The following CAMTA1 variants were observed in gnomAD, a reference collection of about 807,000 sequenced individuals.
CAMTA1 encodes calmodulin-binding transcription activator 1.
CAMTA1 carries 27 observed loss-of-function variants against 170.9 expected under a neutral mutation model. That is an observed-to-expected ratio of 0.16 (90% CI 0.12 to 0.22). CAMTA1 has a LOEUF of 0.22. Among genes scored for constraint, CAMTA1 ranks in the 10% least tolerant of loss-of-function variants. CAMTA1 has a pLI of 1.00. For synonymous variants in CAMTA1, 833 were observed against 891.5 expected (o/e 0.93, Z 1.17); for missense variants, 1,619 against 2,217.2 (o/e 0.73, Z 5.42).
intron 6 of CAMTA1, among the ~76,000 whole-genome samples, chr1:7,471,051 G>A (rs1575496123): frequency 6.6e-6 from 1 of 152,242 alleles, no homozygotes; most frequent in East Asian, 1.9e-4. Context: ...AGGCCTCGCA[G>A]ACTCGGGGCC....
intron 3 of CAMTA1, among the ~76,000 whole-genome samples, chr1:6,937,109 AC>A (rs1317528066): frequency 1.3e-5 from 2 of 151,750 alleles, no homozygotes; most frequent in Non-Finnish European, 2.9e-5. Flanking sequence ...ACTTACCATC[AC>A]CATCACCATT....
intron 4 of CAMTA1, among the ~76,000 whole-genome samples, chr1:7,194,012 G>A (rs894274241): frequency 2.6e-5 from 4 of 152,134 alleles, no homozygotes; most frequent in African/African-American, 9.7e-5. Context: ...TCACTGATAC[G>A]TAGATAGACA....
At chr1:7,274,185 C>G (rs1227136483) in intron 5 of CAMTA1, among the ~76,000 whole-genome samples, 1 of 151,922 alleles carries the variant, frequency 6.6e-6, no homozygotes, top group East Asian at 1.9e-4. Context: ...ACAAAAAAAC[C>G]ATAATACTCA....
Position 7,650,518 on chromosome 1 carries a change from T to C in CAMTA1, c.664+9965T>C, listed in dbSNP as rs1314438088. ...AGCTCTCAACACCCTGGCAGTCTGC[T>C]GGACCCTCCACCCCCGCCTTTTCCA... On this transcript the variant is annotated intron_variant, in intron 7 of 22. Coordinates refer to ENST00000303635, the MANE Select transcript of CAMTA1 (RefSeq NM_015215.4). Among the ~76,000 whole-genome samples, 5 of 152,314 alleles carry C rather than the reference T, an allele frequency of 3.3e-5. No homozygotes were observed. In the East Asian group the frequency reaches 5.8e-4, roughly 18 times the overall value.
intron 11 of CAMTA1, among the ~76,000 whole-genome samples, chr1:7,713,915 A>C (rs896924659): frequency 6.6e-6 from 1 of 152,206 alleles, no homozygotes; most frequent in Admixed American, 6.5e-5. Flanking sequence ...ATATCAGCAT[A>C]GGGGATATTG....
At chr1:7,745,108 C>T in intron 17 of CAMTA1, 86 bp downstream of exon 17, 1 of 1,276,752 alleles carries the variant, frequency 7.8e-7, no homozygotes, top group Non-Finnish European at 1.1e-6. Flanking sequence ...TTGATGAATG[C>T]CGTGTCATAG....
At chr1:7,084,557 G>T (rs1640462678) in intron 3 of CAMTA1, among the ~76,000 whole-genome samples, 2 of 152,210 alleles carry the variant, frequency 1.3e-5, no homozygotes, top group South Asian at 4.1e-4. Context: ...CACTGGAGGG[G>T]ACACGGCTCG....
Position 7,566,811 on chromosome 1 carries a change from A to G in CAMTA1, c.511-73589A>G, listed in dbSNP as rs111641019. 1.5e-4 allele frequency among the ~76,000 whole-genome samples: 23 copies of G among 152,314 alleles called. 2 individuals are homozygous for G. Among genetic ancestry groups the G allele is most frequent in the African/African-American group, 4.6e-4 (19 of 41,574 alleles). ...TGGGCTTCATCGTGCGGGGAGGGCA[A>G]TGAGACCAGCCCAAGCCCCAGATTG... On this transcript the variant is annotated intron_variant, in intron 6 of 22. Coordinates refer to ENST00000303635, the MANE Select transcript of CAMTA1 (RefSeq NM_015215.4).
intron 6 of CAMTA1, among the ~76,000 whole-genome samples, chr1:7,508,514 C>T (rs1359770517): frequency 2.0e-5 from 3 of 152,208 alleles, no homozygotes; most frequent in Non-Finnish European, 4.4e-5. Context: ...CATGCATCTG[C>T]GTGTTGACAG....
chr1:7,279,548 A>C (rs72863535), intron 5 of CAMTA1, among the ~76,000 whole-genome samples: 5,599 of 152,236 alleles, frequency 0.037, 280 homozygotes, highest in African/African-American at 0.11. Flanking sequence ...GCAGCTCGGT[A>C]CGGGGAGCAG....
At chr1:7,152,676 A>G (rs543079728) in intron 4 of CAMTA1, among the ~76,000 whole-genome samples, 4 of 151,806 alleles carry the variant, frequency 2.6e-5, no homozygotes, top group Admixed American at 6.6e-5. Flanking sequence ...AGGCTTCTCC[A>G]CCTCCCAGGA....
At position 7,134,318 on chromosome 1, in the gene CAMTA1, AG is replaced by A. The variant is rs747676484; in HGVS notation, c.302+42950del. Among the ~76,000 whole-genome samples, 15 of 152,116 alleles carry A rather than the reference AG, an allele frequency of 9.9e-5. 1 individual carries two copies. The highest frequency in any genetic ancestry group is 3.3e-4 in the Admixed American group (5 of 15,262). ...TATTTATTTTTATATGTTCTGAGAC[AG>A]GGTCTTGCTCTGTCACCCAGGCTGG... On this transcript the variant is annotated intron_variant, in intron 4 of 22. Transcript: ENST00000303635.
chr1:7,081,819 C>T (rs1262302215), intron 3 of CAMTA1, among the ~76,000 whole-genome samples: 1 of 152,212 alleles, frequency 6.6e-6, no homozygotes, highest in African/African-American at 2.4e-5. Flanking sequence ...CTGGAAATCC[C>T]TGACCTTCAA....
At chr1:7,206,975 C>A (rs1657855851) in intron 4 of CAMTA1, among the ~76,000 whole-genome samples, 1 of 152,162 alleles carries the variant, frequency 6.6e-6, no homozygotes, top group African/African-American at 2.4e-5. Flanking sequence ...CATTCAGTGG[C>A]TGCTGGTAGG....
In CAMTA1 at chr1:7,426,434, T is replaced by A. The variant is rs947439202; in HGVS notation, c.439-41396T>A. 1.3e-5 allele frequency among the ~76,000 whole-genome samples: 2 copies of A among 152,240 alleles called. No individual in the cohort carries two copies. The highest frequency in any genetic ancestry group is 2.9e-5 in the Non-Finnish European group (2 of 68,046). On this transcript the variant is annotated intron_variant, in intron 5 of 22. Coordinates refer to ENST00000303635, the MANE Select transcript of CAMTA1 (RefSeq NM_015215.4). The surrounding 1 kb of genome is among the most constrained non-coding windows in gnomAD (Gnocchi z 4.8). ...AAAACTGCCTACCTGGGTTTCCAACTTGCAGCCCATTATCTATTAATACTA... is the reference window on the plus strand; with the variant it reads ...AAAACTGCCTACCTGGGTTTCCAACATGCAGCCCATTATCTATTAATACTA...
Position 7,736,325 on chromosome 1 carries a change from G to A in CAMTA1, c.3067-19G>A, listed in dbSNP as rs375653986. 2.1e-5 allele frequency: 34 copies of A among 1,611,126 alleles called. No homozygotes were observed. Among genetic ancestry groups the A allele is most frequent in the Non-Finnish European group, 2.5e-5 (30 of 1,178,472 alleles). On this transcript the variant is annotated intron_variant, in intron 12 of 22. Coordinates refer to ENST00000303635, the MANE Select transcript of CAMTA1 (RefSeq NM_015215.4). This position sits in a 1 kb window ranked among gnomAD's most constrained non-coding sequence, Gnocchi z 4.5. ...GGGCCTTTAGTCCTGAGGTCGTAAC[G>A]TGCGCTTTTTTGTGACAGTGTGCTT...
intron 17 of CAMTA1, 107 bp downstream of exon 17, chr1:7,745,129 CAAGG>C: frequency 1.1e-5 from 12 of 1,090,338 alleles, no homozygotes; most frequent in Non-Finnish European, 1.6e-5. Context: ...AAGACCATAC[CAAGG>C]AAGGAAGGAA....
At chr1:7,422,806 C>T (rs1431130791) in intron 5 of CAMTA1, among the ~76,000 whole-genome samples, 1 of 152,170 alleles carries the variant, frequency 6.6e-6, no homozygotes, top group African/African-American at 2.4e-5. Flanking sequence ...GTCCCCACAC[C>T]CCCCTACATT....
intron 6 of CAMTA1, among the ~76,000 whole-genome samples, chr1:7,536,681 G>A (rs1017083466): frequency 1.2e-4 from 19 of 152,204 alleles, no homozygotes; most frequent in Non-Finnish European, 2.6e-4. Flanking sequence ...TGCCTCCATG[G>A]TGCACTGGGC....
Sources: gnomAD v4.1 joint callset for allele counts (sites outside exome capture counted in the v4.1 genomes callset) on GRCh38, gnomAD v4.1.1 for gene constraint, Gnocchi (gnomAD v3.1) non-coding constraint, MANE v1.5 for transcripts, NCBI Gene and HGNC (gene_info 2026-07-23, HGNC 2026-07-21) for gene names.